Variants in PPP4R3B observed in about 807,000 individuals in gnomAD.
PPP4R3B encodes protein phosphatase 4 regulatory subunit 3B, also known as serine/threonine-protein phosphatase 4 regulatory subunit 3B.
A neutral mutation model predicts 95.4 loss-of-function variants in PPP4R3B; 52 were observed. The ratio of observed to expected loss-of-function variants is 0.54; its 90% confidence interval spans 0.44 to 0.69. PPP4R3B has a LOEUF of 0.69. PPP4R3B is among the 30% of genes least tolerant of loss of function. PPP4R3B has a pLI of 0.00. For missense variants in PPP4R3B, 1,003 were observed against 1,005.9 expected (o/e 1.00, Z 0.04); for synonymous variants, 407 against 343.9 (o/e 1.18, Z -2.03).
chr2:55,594,466 C>T (rs1691487226), intron 4 of PPP4R3B, among the ~76,000 whole-genome samples: 2 of 151,994 alleles, frequency 1.3e-5, no homozygotes, highest in South Asian at 4.1e-4. Context: ...AAAAGCTGCA[C>T]TTGATTTACG....
At chr2:55,610,060 G>T (rs1693960913) in intron 2 of PPP4R3B, among the ~76,000 whole-genome samples, 1 of 152,076 alleles carries the variant, frequency 6.6e-6, no homozygotes, top group South Asian at 2.1e-4. Context: ...CCACTTTCTG[G>T]AAAGAACCAT....
intron 2 of PPP4R3B, among the ~76,000 whole-genome samples, chr2:55,613,491 G>A (rs1199211743): frequency 2.6e-5 from 4 of 151,886 alleles, no homozygotes; most frequent in Admixed American, 2.6e-4. Flanking sequence ...TTTATACTAA[G>A]TGTATACAAA....
intron 9 of PPP4R3B, among the ~76,000 whole-genome samples, chr2:55,578,601 T>C (rs1475539894): frequency 6.6e-6 from 1 of 152,070 alleles, no homozygotes; most frequent in East Asian, 1.9e-4. Flanking sequence ...AACTGCTATA[T>C]AGTATTCCAT....
chr2:55,579,813 T>G, intron 8 of PPP4R3B, 32 bp from the exon 9 acceptor site: 1 of 1,374,926 alleles, frequency 7.3e-7, no homozygotes, highest in Non-Finnish European at 1.0e-6. Context: ...ACAATACTGT[T>G]ACTTATGTAA....
At chr2:55,594,497 A>C (rs1263243330) in intron 4 of PPP4R3B, among the ~76,000 whole-genome samples, 1 of 152,148 alleles carries the variant, frequency 6.6e-6, no homozygotes, top group African/African-American at 2.4e-5. Flanking sequence ...CTTCACAAAT[A>C]AACCTATTAT....
At chr2:55,582,471 T>C (rs1689574355) in intron 7 of PPP4R3B, among the ~76,000 whole-genome samples, 1 of 152,208 alleles carries the variant, frequency 6.6e-6, no homozygotes, top group Non-Finnish European at 1.5e-5. Context: ...GCATCTCTAT[T>C]TTCTGATTGG....
chr2:55,602,614 C>T (rs577704971), intron 3 of PPP4R3B, among the ~76,000 whole-genome samples: 24 of 152,246 alleles, frequency 1.6e-4, no homozygotes, highest in African/African-American at 4.8e-4. Context: ...ACCCTGGACA[C>T]GAAGGTTTGG....
At chr2:55,580,105 T>C (rs960066402) in intron 8 of PPP4R3B, among the ~76,000 whole-genome samples, 4 of 152,116 alleles carry the variant, frequency 2.6e-5, no homozygotes, top group Non-Finnish European at 5.9e-5. Context: ...TGAGGAAAAT[T>C]ATTCAAAATA....
chr2:55,573,886 C>T lies in PPP4R3B; in HGVS notation c.1607-109G>A, dbSNP rs1050566053. The T allele has an allele frequency of 1.9e-3, 514 of 277,658 alleles. 3 individuals carry two copies. Among genetic ancestry groups the T allele is most frequent in the Admixed American group, 4.3e-3 (50 of 11,520 alleles). 17.2% of individuals were successfully genotyped at this position (277,658 alleles called of 1,614,324 possible). A position where few individuals can be genotyped will look rare whatever the true frequency, so the allele number is the denominator to read the frequency against. ...AACAAAATCTAAACTGTATTTCCTC[C>T]TTTTTTTTTTTTTTTTTTTTGAGAC... On this transcript the variant is annotated intron_variant, in intron 11 of 16. Coordinates refer to ENST00000616407, the MANE Select transcript of PPP4R3B (RefSeq NM_001122964.3).
At chr2:55,616,807 A>G (rs1695005480) in intron 1 of PPP4R3B, among the ~76,000 whole-genome samples, 1 of 152,098 alleles carries the variant, frequency 6.6e-6, no homozygotes, top group Non-Finnish European at 1.5e-5. Context: ...AAGTAAATAA[A>G]GGGGGAGGAA....
chr2:55,574,916 A>T (rs1311744068), intron 11 of PPP4R3B, among the ~76,000 whole-genome samples: 1 of 149,022 alleles, frequency 6.7e-6, no homozygotes, highest in Non-Finnish European at 1.5e-5. Flanking sequence ...ATGATTTAAT[A>T]TAATTTCATA....
intron 10 of PPP4R3B, among the ~76,000 whole-genome samples, chr2:55,577,872 C>A (rs1159823239): frequency 2.0e-5 from 3 of 151,418 alleles, no homozygotes; most frequent in East Asian, 3.9e-4. Context: ...TCTAGGAATA[C>A]ATTCTAGAGC....
intron 16 of PPP4R3B, among the ~76,000 whole-genome samples, chr2:55,552,904 G>A (rs914032878): frequency 7.2e-5 from 11 of 152,172 alleles, no homozygotes; most frequent in Non-Finnish European, 1.5e-4. Flanking sequence ...ATACAGAAAC[G>A]AGAAACTGAT....
intron 13 of PPP4R3B, among the ~76,000 whole-genome samples, chr2:55,565,310 G>A (rs7598537): frequency 2.3e-4 from 33 of 145,096 alleles, no homozygotes; most frequent in African/African-American, 8.4e-4. Flanking sequence ...TCTATTTTTT[G>A]TATATATATA....
chr2:55,559,329 A>G (rs62165183), intron 15 of PPP4R3B, among the ~76,000 whole-genome samples: 64,835 of 151,976 alleles, frequency 0.43, 15,152 homozygotes, highest in Non-Finnish European at 0.52. Context: ...CTGGGCAACA[A>G]GAGCGAAACT....
At chr2:55,597,314 C>G (rs986462574) in intron 4 of PPP4R3B, among the ~76,000 whole-genome samples, 2 of 151,958 alleles carry the variant, frequency 1.3e-5, no homozygotes, top group African/African-American at 4.8e-5. Context: ...TGGAGAAACC[C>G]CCCTCTACTA....
At chr2:55,611,484 C>A (rs1396270622) in intron 2 of PPP4R3B, among the ~76,000 whole-genome samples, 2 of 152,180 alleles carry the variant, frequency 1.3e-5, no homozygotes, top group African/African-American at 4.8e-5. Context: ...TGGGTAAGTA[C>A]ATCTTCTTCC....
At chr2:55,590,414 G>A (rs896410030) in intron 4 of PPP4R3B, among the ~76,000 whole-genome samples, 8 of 152,094 alleles carry the variant, frequency 5.3e-5, no homozygotes, top group African/African-American at 1.9e-4. Flanking sequence ...GTTACTGCTT[G>A]CTGATAGGTT....
intron 6 of PPP4R3B, 55 bp downstream of exon 6, chr2:55,586,563 T>A: frequency 1.0e-6 from 1 of 987,528 alleles, no homozygotes; most frequent in East Asian, 2.4e-5. Context: ...ATCCATAACA[T>A]AAGTGTATTA....
Sources: gnomAD v4.1 joint callset for allele counts (sites outside exome capture counted in the v4.1 genomes callset) on GRCh38, gnomAD v4.1.1 for gene constraint, MANE v1.5 for transcripts, NCBI Gene and HGNC (gene_info 2026-07-23, HGNC 2026-07-21) for gene names.